Variants in NTNG2 observed in about 807,000 individuals in gnomAD.
NTNG2 encodes the protein netrin G2, also known as netrin-G2.
In NTNG2, 15 loss-of-function variants were observed where a neutral mutation model predicts 47.6. That is an observed-to-expected ratio of 0.32 (90% CI 0.21 to 0.49). The LOEUF (loss-of-function observed/expected upper bound fraction) is 0.49, where lower values mean the gene tolerates loss of function less well. NTNG2 is among the 20% of genes least tolerant of loss of function. The pLI is 0.99. For synonymous variants in NTNG2, 307 were observed against 324.6 expected (o/e 0.95, Z 0.58); for missense variants, 578 against 764.6 (o/e 0.76, Z 2.88).
chr9:132,210,253 A>C (rs1260374827), intron 3 of NTNG2, among the ~76,000 whole-genome samples: 1 of 152,134 alleles, frequency 6.6e-6, no homozygotes. Context: ...CCCCACCTGT[A>C]AAATGGGATC....
rs1841129567 is a variant in NTNG2 at position 132,230,569 on chromosome 9, C to T, written c.1031-3C>T. ...CCAGCTCACGCCCGTCTCTCTCCCA[C>T]AGGTGCCACTGCAGGTTCCTTTGGC... On this transcript the variant is annotated splice_polypyrimidine_tract_variant and splice_region_variant and intron_variant, in intron 4 of 7. Transcript: ENST00000393229. 3 of 1,604,110 alleles carry T rather than the reference C, an allele frequency of 1.9e-6. No individual in the cohort carries two copies. Among genetic ancestry groups the T allele is most frequent in the South Asian group, 1.1e-5 (1 of 88,980 alleles).
At chr9:132,178,305 C>T (rs1836638477) in intron 2 of NTNG2, among the ~76,000 whole-genome samples, 1 of 152,150 alleles carries the variant, frequency 6.6e-6, no homozygotes, top group Non-Finnish European at 1.5e-5. Context: ...CTCCAAATAC[C>T]TCCTCAGCCT....
Position 132,186,396 on chromosome 9 carries a change from C to T in NTNG2, c.214-11570C>T, listed in dbSNP as rs1186334135. 2.6e-5 allele frequency among the ~76,000 whole-genome samples: 4 copies of T among 152,308 alleles called. No homozygotes were observed. The South Asian group carries it at 6.2e-4, about 24-fold the overall frequency. ...AAGCAGAATGTGTCCTTTAAGAAAA[C>T]AATAATACATTTTTAAGTTCCTGGA... On this transcript the variant is annotated intron_variant, in intron 2 of 7. Transcript: ENST00000393229.
intron 2 of NTNG2, among the ~76,000 whole-genome samples, chr9:132,193,117 C>T (rs1838022406): frequency 6.6e-6 from 1 of 152,170 alleles, no homozygotes. Flanking sequence ...CTGGGCAGGG[C>T]AGGGCTAAGT....
intron 2 of NTNG2, among the ~76,000 whole-genome samples, chr9:132,170,260 AG>A (rs1224014890): frequency 6.6e-6 from 1 of 152,232 alleles, no homozygotes; most frequent in Non-Finnish European, 1.5e-5. Flanking sequence ...CTTGCAAGGA[AG>A]GGGAGGAGGC....
intron 2 of NTNG2, among the ~76,000 whole-genome samples, chr9:132,186,402 T>C (rs1837388126): frequency 6.6e-6 from 1 of 152,148 alleles, no homozygotes; most frequent in African/African-American, 2.4e-5. Context: ...AAAACAATAA[T>C]ACATTTTTAA....
intron 3 of NTNG2, among the ~76,000 whole-genome samples, chr9:132,216,188 C>T (rs555786848): frequency 2.2e-4 from 33 of 152,264 alleles, no homozygotes; most frequent in African/African-American, 7.5e-4. Flanking sequence ...TGCTCCATGC[C>T]GGTTGCTGCA....
intron 2 of NTNG2, among the ~76,000 whole-genome samples, chr9:132,174,117 T>TGGACAGAC (rs373335177): frequency 0.035 from 2,331 of 66,812 alleles, 129 homozygotes; most frequent in African/African-American, 0.14. Flanking sequence ...GCGGATGAGA[T>TGGACAGAC]GGACAGACGG....
intron 2 of NTNG2, among the ~76,000 whole-genome samples, chr9:132,178,210 T>G (rs1355971614): frequency 6.6e-6 from 1 of 152,072 alleles, no homozygotes; most frequent in Non-Finnish European, 1.5e-5. Context: ...CACCCTCATT[T>G]TCTTCTCCCT....
chr9:132,237,200 G>C (rs1159727790), intron 5 of NTNG2, among the ~76,000 whole-genome samples: 1 of 152,182 alleles, frequency 6.6e-6, no homozygotes, highest in Non-Finnish European at 1.5e-5. Flanking sequence ...CTTGGGATGT[G>C]CTGTGTTTCC....
At position 132,198,606 on chromosome 9, in the gene NTNG2, G is replaced by T; in HGVS notation, c.854G>T (p.Gly285Val). The change falls in exon 3 of 8, where the codon GGC becomes GTC. Residue 285 changes from glycine to valine, a missense_variant. By Grantham distance (109) the Gly-to-Val change is moderately radical (BLOSUM62 -3). Coordinates refer to ENST00000393229, the MANE Select transcript of NTNG2 (RefSeq NM_032536.4). Reference protein sequence around the residue: ...FYAISNIEVIGRCKCNLHANL... With the variant: ...FYAISNIEVIVRCKCNLHANL... ...GCCATCTCCAACATCGAGGTCATCG[G>T]CAGGTAAGGCCGGGGGAAGCCCTGG... 6.2e-7 allele frequency: 1 copy of T among 1,605,766 alleles called. No homozygotes were observed. Among genetic ancestry groups the T allele is most frequent in the Non-Finnish European group, 8.5e-7 (1 of 1,174,120 alleles).
At position 132,215,827 on chromosome 9, in the gene NTNG2, C is replaced by G. The variant is rs1367722901; in HGVS notation, c.858-11022C>G. ...TGCCAGGTAAGGCCGATCTTGGCAC[C>G]TGGGAGCCCATGTACTCTCATCTCC... On this transcript the variant is annotated intron_variant, in intron 3 of 7. Coordinates refer to ENST00000393229, the MANE Select transcript of NTNG2 (RefSeq NM_032536.4). The surrounding 1 kb of genome is among the most constrained non-coding windows in gnomAD (Gnocchi z 4.2). Among the ~76,000 whole-genome samples the G allele has an allele frequency of 6.6e-6, 1 of 152,158 alleles. No individual in the cohort carries two copies. Among genetic ancestry groups the G allele is most frequent in the Non-Finnish European group, 1.5e-5 (1 of 68,038 alleles).
chr9:132,213,367 A>C (rs1255818001), intron 3 of NTNG2, among the ~76,000 whole-genome samples: 1 of 144,634 alleles, frequency 6.9e-6, no homozygotes. Flanking sequence ...AAAAAGAAGG[A>C]CTTGAGAGGA....
intron 3 of NTNG2, among the ~76,000 whole-genome samples, chr9:132,202,417 T>A (rs1051323706): frequency 1.3e-5 from 2 of 152,132 alleles, no homozygotes; most frequent in African/African-American, 4.8e-5. Context: ...GCAGGTGGGC[T>A]GCCGGTGGCT....
chr9:132,187,569 AAGAGAG>A (rs66498690), intron 2 of NTNG2, among the ~76,000 whole-genome samples: 25,630 of 138,716 alleles, frequency 0.18, 3,190 homozygotes, highest in African/African-American at 0.36. Flanking sequence ...GAGAGGGAGC[AAGAGAG>A]AGAGAGAGAG....
intron 3 of NTNG2, among the ~76,000 whole-genome samples, chr9:132,209,389 G>A (rs1009967518): frequency 4.6e-5 from 7 of 152,226 alleles, no homozygotes; most frequent in Admixed American, 3.9e-4. Context: ...TGGGCGCGGG[G>A]AGTCCTGAGC....
chr9:132,205,741 T>C (rs1433635704), intron 3 of NTNG2, among the ~76,000 whole-genome samples: 1 of 151,914 alleles, frequency 6.6e-6, no homozygotes, highest in African/African-American at 2.4e-5. Flanking sequence ...ATTACCTAGG[T>C]GTGGGAGCGG....
In NTNG2 at chr9:132,163,948, G is replaced by A. The variant is rs891411222; in HGVS notation, c.-484+1709G>A. The stretch of plus-strand genomic sequence containing the variant: ...CTGCAGTTTCTTAATAATATCAGGT[G>A]AAGATAAATTTTCCACGGAGAAAAC... On this transcript the variant is annotated intron_variant, in intron 1 of 7. Coordinates refer to ENST00000393229, the MANE Select transcript of NTNG2 (RefSeq NM_032536.4). The surrounding 1 kb of genome is among the most constrained non-coding windows in gnomAD (Gnocchi z 7.2). 6.6e-6 allele frequency among the ~76,000 whole-genome samples: 1 copy of A among 152,190 alleles called. No homozygotes were observed. The highest frequency in any genetic ancestry group is 2.1e-4 in the South Asian group (1 of 4,826).
intron 2 of NTNG2, among the ~76,000 whole-genome samples, chr9:132,178,546 A>G: frequency 6.6e-6 from 1 of 152,008 alleles, no homozygotes; most frequent in Non-Finnish European, 1.5e-5. Context: ...AGGAAAGGGG[A>G]CCCCAGAAGC....
Sources: gnomAD v4.1 joint callset for allele counts (sites outside exome capture counted in the v4.1 genomes callset) on GRCh38, gnomAD v4.1.1 for gene constraint, Gnocchi (gnomAD v3.1) non-coding constraint, MANE v1.5 for transcripts, NCBI Gene and HGNC (gene_info 2026-07-23, HGNC 2026-07-21) for gene names.